The following ZNF423 variants were observed in gnomAD, a reference collection of about 807,000 sequenced individuals.
The protein encoded by ZNF423 is zinc finger protein 423, also known as Ebf-associated zinc finger protein.
ZNF423 carries 12 observed loss-of-function variants against 95.8 expected under a neutral mutation model. The ratio of observed to expected loss-of-function variants is 0.13; its 90% CI spans 0.08 to 0.20. ZNF423 has a LOEUF of 0.20. Among genes scored for constraint, ZNF423 ranks in the 10% least tolerant of loss-of-function variants. The pLI, the probability that ZNF423 is intolerant of heterozygous loss-of-function variation, is 1.00. For synonymous variants in ZNF423, 749 were observed against 711.9 expected, an observed-to-expected ratio of 1.05 and a Z score of -0.83; for missense variants, 1,316 against 1,737.1, an observed-to-expected ratio of 0.76 and a Z score of 4.31.
chr16:49,742,328 T>C (rs748148185), intron 2 of ZNF423, among the ~76,000 whole-genome samples: 1 of 151,440 alleles, frequency 6.6e-6, no homozygotes, highest in Non-Finnish European at 1.5e-5. Flanking sequence ...AGAAGGCAGA[T>C]GAGAGGGAGG....
chr16:49,694,447 A>G (rs576461460), intron 3 of ZNF423, among the ~76,000 whole-genome samples: 53 of 152,220 alleles, frequency 3.5e-4, no homozygotes, highest in Non-Finnish European at 6.8e-4. Flanking sequence ...GTAAAGCTAC[A>G]CACATGATTT....
intron 5 of ZNF423, among the ~76,000 whole-genome samples, chr16:49,570,370 G>T (rs75671037): frequency 0.045 from 6,864 of 152,276 alleles, 220 homozygotes; most frequent in Middle Eastern, 0.085. Context: ...GAGGCTCAGA[G>T]AGGTTAATTG....
At chr16:49,823,489 A>C (rs2034970161) in intron 1 of ZNF423, among the ~76,000 whole-genome samples, 1 of 152,244 alleles carries the variant, frequency 6.6e-6, no homozygotes, top group Non-Finnish European at 1.5e-5. Context: ...TGGTAAGCTC[A>C]AAGCTGGTGT....
At chr16:49,730,481 T>G in intron 3 of ZNF423, 1 of 455,068 alleles carries the variant, frequency 2.2e-6, no homozygotes, top group Non-Finnish European at 3.9e-6. Context: ...TTCCAGAAAT[T>G]CAGGGTGCAC....
intron 1 of ZNF423, among the ~76,000 whole-genome samples, chr16:49,834,022 C>T (rs1305388163): frequency 6.6e-6 from 1 of 152,230 alleles, no homozygotes; most frequent in East Asian, 1.9e-4. Context: ...AGGCGGCAGG[C>T]TTGGGGACCC....
At chr16:49,686,264 A>G (rs1467439834) in intron 3 of ZNF423, among the ~76,000 whole-genome samples, 1 of 152,136 alleles carries the variant, frequency 6.6e-6, no homozygotes, top group East Asian at 1.9e-4. Flanking sequence ...ATTAATTATG[A>G]AAGTCCTGCT....
At chr16:49,631,945 T>C (rs1421641711) in intron 4 of ZNF423, among the ~76,000 whole-genome samples, 2 of 152,146 alleles carry the variant, frequency 1.3e-5, no homozygotes, top group Non-Finnish European at 1.5e-5. Context: ...TGAGCTGCCA[T>C]TCTCAGCTCC....
At chr16:49,565,714 G>C (rs1480869382) in intron 5 of ZNF423, among the ~76,000 whole-genome samples, 1 of 152,174 alleles carries the variant, frequency 6.6e-6, no homozygotes, top group African/African-American at 2.4e-5. Context: ...GAACAGGGGA[G>C]GGCAGGAGTT....
At chr16:49,814,982 CGT>C (rs1436648546) in intron 1 of ZNF423, among the ~76,000 whole-genome samples, 2 of 152,146 alleles carry the variant, frequency 1.3e-5, no homozygotes, top group Non-Finnish European at 2.9e-5. Context: ...CTTTCCCACA[CGT>C]GTGTCCTAGA....
At chr16:49,746,128 T>G (rs2033519213) in intron 2 of ZNF423, among the ~76,000 whole-genome samples, 1 of 152,042 alleles carries the variant, frequency 6.6e-6, no homozygotes, top group African/African-American at 2.4e-5. Flanking sequence ...ACATCCTACA[T>G]CAACTCTGTG....
chr16:49,543,310 T>G (rs1193366607), intron 5 of ZNF423, among the ~76,000 whole-genome samples: 1 of 152,132 alleles, frequency 6.6e-6, no homozygotes, highest in African/African-American at 2.4e-5. Context: ...GCGGGCCTTC[T>G]CCAGCACCAG....
chr16:49,677,302 A>AAGGGAAGGGAAGGGAAGG (rs1567284087), intron 3 of ZNF423, among the ~76,000 whole-genome samples: 4 of 75,138 alleles, frequency 5.3e-5, no homozygotes, highest in Non-Finnish European at 8.2e-5. Flanking sequence ...AGAAGAGAAG[A>AAGGGAAGGGAAGGGAAGG]GAAGAGAAAG....
chr16:49,543,798 G>T (rs1163164071), intron 5 of ZNF423, among the ~76,000 whole-genome samples: 2 of 151,940 alleles, frequency 1.3e-5, no homozygotes, highest in African/African-American at 2.4e-5. Flanking sequence ...AGCTCCAGAC[G>T]CAAGCCGGAG....
At chr16:49,504,402 C>T (rs534269376) in intron 7 of ZNF423, among the ~76,000 whole-genome samples, 14 of 152,280 alleles carry the variant, frequency 9.2e-5, no homozygotes, top group South Asian at 8.3e-4. Context: ...GCCAACATGG[C>T]GAAACCCCAT....
At chr16:49,822,112 G>A (rs1174813837) in intron 1 of ZNF423, among the ~76,000 whole-genome samples, 6 of 152,138 alleles carry the variant, frequency 3.9e-5, no homozygotes, top group Non-Finnish European at 5.9e-5. Context: ...CCTGATACAG[G>A]AGACTGTGGG....
chr16:49,740,120 C>T (rs2143482097), intron 2 of ZNF423, among the ~76,000 whole-genome samples: 1 of 152,202 alleles, frequency 6.6e-6, no homozygotes, highest in South Asian at 2.1e-4. Flanking sequence ...CCCACCTCAG[C>T]CTCCCAAAGT....
upstream of ZNF423, among the ~76,000 whole-genome samples, chr16:49,856,469 C>CA (rs560977507): frequency 6.5e-3 from 941 of 145,490 alleles, 3 homozygotes; most frequent in Non-Finnish European, 0.01. Context: ...CCCTGCCGCA[C>CA]AAAAAAAAAT....
At chr16:49,537,165 AG>A (rs879538783) in intron 5 of ZNF423, among the ~76,000 whole-genome samples, 3 of 152,254 alleles carry the variant, frequency 2.0e-5, no homozygotes, top group African/African-American at 4.8e-5. Flanking sequence ...TGACGAACAC[AG>A]GAACACTGCA....
intron 2 of ZNF423, among the ~76,000 whole-genome samples, chr16:49,765,035 G>T (rs2143666944): frequency 6.6e-6 from 1 of 151,608 alleles, no homozygotes; most frequent in South Asian, 2.1e-4. Context: ...TGGGATTACA[G>T]CCACCACCCC....
Sources: gnomAD v4.1 joint callset for allele counts (sites outside exome capture counted in the v4.1 genomes callset) on GRCh38, gnomAD v4.1.1 for gene constraint, MANE v1.5 for transcripts, NCBI Gene and HGNC (gene_info 2026-07-23, HGNC 2026-07-21) for gene names.